The following SLC36A1 variants were observed in gnomAD, a reference collection of about 807,000 sequenced individuals.
SLC36A1 encodes the protein proton-coupled amino acid transporter 1.
Under a neutral mutation model 47.5 loss-of-function variants are expected in SLC36A1, and 30 were observed. That is an observed-to-expected ratio of 0.63 (90% CI 0.47 to 0.86). The LOEUF is 0.86. Ranked by LOEUF, SLC36A1 falls within the 40% of genes least tolerant of loss-of-function variation. The pLI is 0.00. For missense variants in SLC36A1, 517 were observed against 606.0 expected (o/e 0.85, Z 1.54); for synonymous variants, 255 against 249.7 (o/e 1.02, Z -0.20).
chr5:151,544,418 T>C, the SLC36A1 span: 1 of 1,614,092 alleles, frequency 6.2e-7, no homozygotes, highest in Non-Finnish European at 8.5e-7. Context: ...ACATGTTTGG[T>C]CTTGGACTCA....
chr5:151,393,722 A>G, the SLC36A1 span, among the ~76,000 whole-genome samples: 3 of 152,128 alleles, frequency 2.0e-5, 1 homozygote, highest in Admixed American at 2.0e-4. Flanking sequence ...AGAATGTTGA[A>G]TATTGGCCCC....
the SLC36A1 span, among the ~76,000 whole-genome samples, chr5:151,402,177 T>C: frequency 2.6e-5 from 4 of 152,218 alleles, no homozygotes; most frequent in African/African-American, 9.6e-5. Context: ...GCCTAGTTTA[T>C]TGAAGGTTTT....
chr5:151,433,009 T>G (rs1258753064), upstream of SLC36A1, among the ~76,000 whole-genome samples: 1 of 151,692 alleles, frequency 6.6e-6, no homozygotes, highest in Non-Finnish European at 1.5e-5. Context: ...AATGGTGAGA[T>G]AATAAATATG....
the SLC36A1 span, among the ~76,000 whole-genome samples, chr5:151,373,117 T>C: frequency 4.6e-5 from 7 of 151,888 alleles, no homozygotes; most frequent in Middle Eastern, 6.8e-3. Context: ...CAAAAAATAA[T>C]AAAAGACATA....
the SLC36A1 span, chr5:151,537,748 C>T: frequency 1.9e-6 from 3 of 1,568,894 alleles, no homozygotes; most frequent in Non-Finnish European, 2.6e-6. Context: ...ACTTGGTATT[C>T]AGTAAAGAAG....
the SLC36A1 span, among the ~76,000 whole-genome samples, chr5:151,534,968 AAAATATATAT>A: frequency 2.3e-4 from 12 of 52,712 alleles, 1 homozygote; most frequent in South Asian, 1.0e-3. Flanking sequence ...CACTTCTAGG[AAAATATATAT>A]ATATATATAT....
chr5:151,400,982 A>G, the SLC36A1 span, among the ~76,000 whole-genome samples: 1 of 152,084 alleles, frequency 6.6e-6, no homozygotes, highest in Non-Finnish European at 1.5e-5. Flanking sequence ...TTGTTTGTTT[A>G]TCCTGTTGAT....
the SLC36A1 span, chr5:151,528,233 G>T: frequency 7.0e-7 from 1 of 1,435,122 alleles, no homozygotes; most frequent in Admixed American, 1.9e-5. Context: ...GACTGCCTTT[G>T]GGCTAGCAGT....
upstream of SLC36A1, among the ~76,000 whole-genome samples, chr5:151,446,462 A>C (rs1028929250): frequency 2.0e-5 from 3 of 152,144 alleles, no homozygotes; most frequent in African/African-American, 7.2e-5. Flanking sequence ...TCCAGGAGGC[A>C]GAGGTTGCAG....
At chr5:151,385,009 A>AGAGAGTGTGTGT in the SLC36A1 span, among the ~76,000 whole-genome samples, 461 of 128,498 alleles carry the variant, frequency 3.6e-3, 4 homozygotes, top group African/African-American at 0.016. Context: ...AGAGAGAGAG[A>AGAGAGTGTGTGT]GTGTGTGTGT....
chr5:151,383,470 A>G, the SLC36A1 span, among the ~76,000 whole-genome samples: 1 of 152,014 alleles, frequency 6.6e-6, no homozygotes, highest in African/African-American at 2.4e-5. Flanking sequence ...TGGGCAAAAT[A>G]TATCACTCCA....
At chr5:151,442,543 A>G (rs1752687548) in intron 1 of SLC36A1, among the ~76,000 whole-genome samples, 1 of 152,112 alleles carries the variant, frequency 6.6e-6, no homozygotes, top group Admixed American at 6.6e-5. Flanking sequence ...AATACATCCT[A>G]TATTATTGTT....
At chr5:151,536,397 C>T in the SLC36A1 span, among the ~76,000 whole-genome samples, 1 of 152,260 alleles carries the variant, frequency 6.6e-6, no homozygotes, top group East Asian at 1.9e-4. Context: ...TTCTCCCCTG[C>T]CACCCCCTGC....
upstream of SLC36A1, among the ~76,000 whole-genome samples, chr5:151,443,768 T>C (rs1046198288): frequency 3.3e-5 from 5 of 152,198 alleles, no homozygotes; most frequent in Non-Finnish European, 5.9e-5. Context: ...GCATTTCCCC[T>C]ATGTTCTCTT....
At chr5:151,514,520 A>G in the SLC36A1 span, among the ~76,000 whole-genome samples, 4 of 152,252 alleles carry the variant, frequency 2.6e-5, no homozygotes, top group Admixed American at 2.6e-4. Flanking sequence ...GGAGCAGAAC[A>G]TGGCTGGAGA....
At chr5:151,458,969 G>T (rs1378194455) in intron 2 of SLC36A1, 34 bp downstream of exon 2, 12 of 1,578,664 alleles carry the variant, frequency 7.6e-6, no homozygotes, top group Non-Finnish European at 8.6e-6. Context: ...CTCCTGGGTG[G>T]GATTCGTGTT....
At chr5:151,539,121 A>G in the SLC36A1 span, among the ~76,000 whole-genome samples, 1 of 152,188 alleles carries the variant, frequency 6.6e-6, no homozygotes, top group African/African-American at 2.4e-5. Context: ...TGGCTGAGGG[A>G]AAAGAGAAGG....
the SLC36A1 span, among the ~76,000 whole-genome samples, chr5:151,365,882 G>A: frequency 1.3e-5 from 2 of 152,262 alleles, no homozygotes; most frequent in Admixed American, 1.3e-4. Context: ...GCCTCCATTG[G>A]TGGTGCCTCC....
At chr5:151,533,463 T>G in the SLC36A1 span, among the ~76,000 whole-genome samples, 4 of 150,932 alleles carry the variant, frequency 2.7e-5, no homozygotes, top group African/African-American at 9.7e-5. Context: ...CCACCCTGCC[T>G]TTGTGTTGAC....
Sources: gnomAD v4.1 joint callset for allele counts (sites outside exome capture counted in the v4.1 genomes callset) on GRCh38, gnomAD v4.1.1 for gene constraint, MANE v1.5 for transcripts, NCBI Gene and HGNC (gene_info 2026-07-23, HGNC 2026-07-21) for gene names.